Variants in MGMT observed in about 807,000 individuals in gnomAD.
MGMT encodes the protein methylated-DNA--protein-cysteine methyltransferase.
Under a neutral mutation model 15.9 loss-of-function variants are expected in MGMT, and 14 were observed. The observed-to-expected ratio is 0.88, with a 90% CI of 0.58 to 1.37. The LOEUF (loss-of-function observed/expected upper bound fraction) is 1.37, where lower values mean the gene tolerates loss of function less well. Among genes scored for constraint, MGMT ranks in the 40% most tolerant of loss-of-function variants. MGMT has a pLI of 0.00. For synonymous variants in MGMT, 130 were observed against 118.2 expected, an observed-to-expected ratio of 1.10 and a Z score of -0.65; for missense variants, 282 against 268.1, an observed-to-expected ratio of 1.05 and a Z score of -0.36.
At chr10:129,558,081 G>A (rs1018468017) in intron 2 of MGMT, among the ~76,000 whole-genome samples, 45 of 152,178 alleles carry the variant, frequency 3.0e-4, no homozygotes, top group African/African-American at 1.0e-3. Context: ...TCCCACGTGT[G>A]CGTGAAGAGC....
At chr10:129,728,549 C>T (rs545078594) in intron 3 of MGMT, among the ~76,000 whole-genome samples, 1 of 152,232 alleles carries the variant, frequency 6.6e-6, no homozygotes, top group South Asian at 2.1e-4. Context: ...CAGGGTCAGA[C>T]CCAGCCCTCT....
intron 1 of MGMT, among the ~76,000 whole-genome samples, chr10:129,509,291 G>A (rs12256817): frequency 0.069 from 10,465 of 152,156 alleles, 1,207 homozygotes; most frequent in African/African-American, 0.24. Context: ...GAGCGTTGCC[G>A]CCGTTCACAG....
chr10:129,668,539 C>A (rs1048389147), intron 2 of MGMT, among the ~76,000 whole-genome samples: 1 of 152,180 alleles, frequency 6.6e-6, no homozygotes. Flanking sequence ...TATGCAGTGA[C>A]CCCTTTGTCA....
chr10:129,668,207 C>G (rs976195097), intron 2 of MGMT, among the ~76,000 whole-genome samples: 2 of 151,724 alleles, frequency 1.3e-5, no homozygotes, highest in Non-Finnish European at 2.9e-5. Context: ...GGTTGGCAAA[C>G]TTTTTTCTGT....
chr10:129,625,609 T>C (rs1322452808), intron 2 of MGMT, among the ~76,000 whole-genome samples: 1 of 152,210 alleles, frequency 6.6e-6, no homozygotes, highest in African/African-American at 2.4e-5. Context: ...ATAATGATCA[T>C]AGTAACCAAA....
chr10:129,625,128 TTA>T (rs1468766595), intron 2 of MGMT, among the ~76,000 whole-genome samples: 8 of 152,364 alleles, frequency 5.3e-5, no homozygotes, highest in African/African-American at 1.9e-4. Flanking sequence ...ATTTAAAACT[TTA>T]TGTTGACAAA....
chr10:129,468,068 G>GAGAGGTCACCAC (rs58081483), intron 1 of MGMT, among the ~76,000 whole-genome samples: 1 of 151,864 alleles, frequency 6.6e-6, no homozygotes, highest in Non-Finnish European at 1.5e-5. Flanking sequence ...TTGGTCCAGA[G>GAGAGGTCACCAC]AGCTGTTCTC....
At chr10:129,723,573 G>A (rs1848399464) in intron 3 of MGMT, among the ~76,000 whole-genome samples, 1 of 152,098 alleles carries the variant, frequency 6.6e-6, no homozygotes, top group Non-Finnish European at 1.5e-5. Flanking sequence ...TTTATTAAAA[G>A]ACTTCATTAA....
chr10:129,607,028 G>A (rs1393983979), intron 2 of MGMT, among the ~76,000 whole-genome samples: 1 of 152,184 alleles, frequency 6.6e-6, no homozygotes, highest in Non-Finnish European at 1.5e-5. Flanking sequence ...ACAACTTAGA[G>A]GGTTCTTGCC....
At chr10:129,712,021 T>C (rs1471166445) in intron 3 of MGMT, among the ~76,000 whole-genome samples, 1 of 152,238 alleles carries the variant, frequency 6.6e-6, no homozygotes, top group Non-Finnish European at 1.5e-5. Context: ...CAAGAAATCC[T>C]TTCTACCTTA....
chr10:129,631,245 G>A (rs754634996), intron 2 of MGMT, among the ~76,000 whole-genome samples: 13 of 152,084 alleles, frequency 8.5e-5, no homozygotes, highest in East Asian at 1.9e-4. Context: ...CACAGTCCCC[G>A]TTAAGGGTAG....
intron 2 of MGMT, among the ~76,000 whole-genome samples, chr10:129,577,353 A>G (rs1381613687): frequency 2.0e-5 from 3 of 152,208 alleles, no homozygotes; most frequent in African/African-American, 7.2e-5. Flanking sequence ...GACCAATGGA[A>G]CAGAACAGAG....
intron 4 of MGMT, among the ~76,000 whole-genome samples, chr10:129,760,747 G>GAGA (rs1231413044): frequency 6.6e-5 from 10 of 152,086 alleles, no homozygotes; most frequent in Admixed American, 3.9e-4. Context: ...TAATCTAGGC[G>GAGA]AGCTTTCTAC....
chr10:129,697,356 A>C (rs1286588978), intron 2 of MGMT, among the ~76,000 whole-genome samples: 1 of 152,192 alleles, frequency 6.6e-6, no homozygotes, highest in Non-Finnish European at 1.5e-5. Context: ...CTTCCATTTC[A>C]AAGAGGAGAG....
At chr10:129,722,764 G>T (rs1031726449) in intron 3 of MGMT, among the ~76,000 whole-genome samples, 17 of 152,264 alleles carry the variant, frequency 1.1e-4, no homozygotes, top group African/African-American at 4.1e-4. Flanking sequence ...CCAGCACTTT[G>T]TGAGGCCATG....
In MGMT at chr10:129,467,292, A is replaced by T. The variant is rs1845179072; in HGVS notation, c.-17A>T. On this transcript the variant is annotated 5_prime_UTR_variant, in exon 1 of 5. Coordinates refer to ENST00000651593, the MANE Select transcript of MGMT (RefSeq NM_002412.5). Reference sequence around the variant, plus strand: ...GTCCTCGCGGTGCGCACCGTTTGCGACTTGGTGAGTGTCTGGGTCGCCTCG... The same window carrying T: ...GTCCTCGCGGTGCGCACCGTTTGCGTCTTGGTGAGTGTCTGGGTCGCCTCG... 2 of 1,540,580 alleles carry T rather than the reference A, an allele frequency of 1.3e-6. No homozygotes were observed. Among genetic ancestry groups the T allele is most frequent in the South Asian group, 2.4e-5 (2 of 83,168 alleles).
At chr10:129,689,060 G>C (rs573597610) in intron 2 of MGMT, among the ~76,000 whole-genome samples, 21 of 152,240 alleles carry the variant, frequency 1.4e-4, no homozygotes, top group African/African-American at 4.8e-4. Context: ...CTCCTGGGTA[G>C]CTGAGACTAC....
At chr10:129,473,496 G>A (rs1264736989) in intron 1 of MGMT, among the ~76,000 whole-genome samples, 1 of 152,198 alleles carries the variant, frequency 6.6e-6, no homozygotes, top group Non-Finnish European at 1.5e-5. Flanking sequence ...GAGAGTTTGA[G>A]TGACTTGCAC....
At chr10:129,711,697 A>G (rs76647890) in intron 3 of MGMT, among the ~76,000 whole-genome samples, 5,078 of 152,056 alleles carry the variant, frequency 0.033, 213 homozygotes, top group African/African-American at 0.1. Context: ...AACAAAATCC[A>G]TTTTCTAGCT....
Sources: allele counts gnomAD v4.1 joint callset (sites outside exome capture counted in the v4.1 genomes callset), GRCh38; gene constraint gnomAD v4.1.1; transcripts MANE v1.5; gene names NCBI Gene and HGNC (gene_info 2026-07-23, HGNC 2026-07-21).